CAPN7: variants seen among roughly 807,000 people sequenced by gnomAD.
CAPN7 encodes the protein calpain 7, also known as calpain-7.
In CAPN7, 72 loss-of-function variants were observed where a neutral mutation model predicts 115.2. The ratio of observed to expected loss-of-function variants is 0.63; its 90% CI spans 0.52 to 0.76. The LOEUF (loss-of-function observed/expected upper bound fraction) is 0.76. CAPN7 is among the 30% of genes least tolerant of loss of function. The probability of loss-of-function intolerance (pLI) is 0.00; values close to 1 mark genes in which losing one functional copy is unlikely to be tolerated. For missense variants in CAPN7, 905 were observed against 971.5 expected (o/e 0.93, Z 0.91); for synonymous variants, 344 against 322.3 (o/e 1.07, Z -0.72).
chr3:15,218,904 A>G (rs557559226), intron 4 of CAPN7, among the ~76,000 whole-genome samples: 86 of 152,348 alleles, frequency 5.6e-4, no homozygotes, highest in Non-Finnish European at 1.0e-3. Flanking sequence ...TCAGCCATGT[A>G]CATACCTCAG....
chr3:15,236,022 T>A (rs1287479821), intron 12 of CAPN7, among the ~76,000 whole-genome samples: 1 of 151,934 alleles, frequency 6.6e-6, no homozygotes, highest in Non-Finnish European at 1.5e-5. Context: ...TAAAAAAAAA[T>A]TAGCTGGGCA....
In CAPN7 at chr3:15,240,516, G is replaced by A. The variant is rs773362495; in HGVS notation, c.1451G>A (p.Arg484His). Residue 484 changes from arginine to histidine, a missense_variant, in exon 13 of 21, where the codon CGT becomes CAT. Physicochemically the swap from Arg to His is conservative, Grantham distance 29 (BLOSUM62 0). Coordinates refer to ENST00000253693, the MANE Select transcript of CAPN7 (RefSeq NM_014296.3). Reference protein sequence around the residue: ...IQLKNPWSHLRWKGRYSENDV... With the variant: ...IQLKNPWSHLHWKGRYSENDV... ...TTGAAAAATCCTTGGAGTCATTTACGTTGGAAAGGAAGATACAGTGAAAAT... is the reference window on the plus strand; with the variant it reads ...TTGAAAAATCCTTGGAGTCATTTACATTGGAAAGGAAGATACAGTGAAAAT... 5 of 1,612,188 alleles carry A rather than the reference G, an allele frequency of 3.1e-6. No homozygotes were observed. The highest frequency in any genetic ancestry group is 4.2e-6 in the Non-Finnish European group (5 of 1,179,560).
At chr3:15,247,039 T>G (rs1417285156) in intron 18 of CAPN7, among the ~76,000 whole-genome samples, 2 of 152,180 alleles carry the variant, frequency 1.3e-5, no homozygotes, top group Non-Finnish European at 2.9e-5. Flanking sequence ...GGATGAACCT[T>G]AAAAGTAGCA....
chr3:15,248,187 TAAATA>T (rs1559413758), intron 19 of CAPN7, among the ~76,000 whole-genome samples: 3 of 151,362 alleles, frequency 2.0e-5, no homozygotes, highest in Non-Finnish European at 2.9e-5. Flanking sequence ...AAAAAATAAA[TAAATA>T]AATAAAAATA....
chr3:15,230,532 A>G lies in CAPN7; in HGVS notation c.1029A>G (p.Arg343=). 3.2e-6 allele frequency: 5 copies of G among 1,583,660 alleles called. No individual in the cohort carries two copies. The highest frequency in any genetic ancestry group is 4.3e-6 in the Non-Finnish European group (5 of 1,152,872). ...MVKLHLNGVP[R]KVIIDDQLPV... The stretch of plus-strand genomic sequence containing the variant: ...AACTTCACCTCAATGGTGTCCCAAG[A>G]AAGGTGAATAATGTCTCTCCCCACT... The change falls in exon 9 of 21, where the codon AGA becomes AGG. Residue 343 remains arginine (R), a synonymous_variant. Transcript: ENST00000253693.
chr3:15,214,743 C>T (rs1310044902), intron 2 of CAPN7, among the ~76,000 whole-genome samples: 1 of 152,110 alleles, frequency 6.6e-6, no homozygotes, highest in Non-Finnish European at 1.5e-5. Flanking sequence ...AATTAACCGT[C>T]GTAGTACAGA....
intron 13 of CAPN7, 22 bp downstream of exon 13, chr3:15,240,639 T>C (rs375681264): frequency 2.5e-6 from 4 of 1,574,608 alleles, no homozygotes; most frequent in Non-Finnish European, 3.4e-6. Flanking sequence ...TTTTTAATTT[T>C]AATACCATTT....
At chr3:15,227,718 A>T in intron 6 of CAPN7, 121 bp from the exon 7 acceptor site, 1 of 471,374 alleles carries the variant, frequency 2.1e-6, no homozygotes, top group African/African-American at 2.0e-5. Flanking sequence ...AGGTTATTTT[A>T]AGATAATACA....
intron 15 of CAPN7, 78 bp from the exon 16 acceptor site, chr3:15,242,100 T>C: frequency 3.3e-6 from 3 of 921,050 alleles, no homozygotes; most frequent in Non-Finnish European, 5.0e-6. Context: ...TAGAGCATTT[T>C]TTTGGAGAGA....
In CAPN7 at chr3:15,241,452, G is replaced by A. The variant is rs1695343386; in HGVS notation, c.1653-1G>A. 4 of 1,613,152 alleles carry A rather than the reference G, an allele frequency of 2.5e-6. No individual in the cohort carries two copies. The highest frequency in any genetic ancestry group is 1.1e-5 in the South Asian group (1 of 91,012). On this transcript the variant is annotated splice_acceptor_variant, in intron 14 of 20. Coordinates refer to ENST00000253693, the MANE Select transcript of CAPN7 (RefSeq NM_014296.3). LOFTEE classifies it high-confidence loss of function. Reference sequence around the variant, plus strand: ...CCTTCTTTGTTGACTTTATCTTTTAGTACTTGGGATGCTAAGCAAGGACCT... The same window carrying A: ...CCTTCTTTGTTGACTTTATCTTTTAATACTTGGGATGCTAAGCAAGGACCT...
At chr3:15,212,538 CG>C (rs2045017264) in intron 2 of CAPN7, among the ~76,000 whole-genome samples, 1 of 152,198 alleles carries the variant, frequency 6.6e-6, no homozygotes, top group Admixed American at 6.5e-5. Flanking sequence ...ATATCTGTCA[CG>C]TCTCTTCCTT....
intron 8 of CAPN7, among the ~76,000 whole-genome samples, chr3:15,229,673 T>A (rs1694568639): frequency 6.7e-6 from 1 of 149,552 alleles, no homozygotes; most frequent in South Asian, 2.1e-4. Context: ...CCTCCTGGGT[T>A]CAAGCGATTC....
Position 15,251,195 on chromosome 3 carries a change from CAAG to C in CAPN7, c.2381_2383del (p.Glu794del). On this transcript the variant is annotated inframe_deletion, in exon 21 of 21. Transcript: ENST00000253693. The stretch of plus-strand genomic sequence containing the variant: ...CATTCCTAGTACCTTTTTGCCTAAA[CAAG>C]AAGGACCTTTTTTCTTGGACTTTAA... The C allele has an allele frequency of 6.2e-7, 1 of 1,610,156 alleles. No individual in the cohort carries two copies. Among genetic ancestry groups the C allele is most frequent in the East Asian group, 2.2e-5 (1 of 44,812 alleles).
chr3:15,248,700 T>C (rs971322219), intron 19 of CAPN7, among the ~76,000 whole-genome samples: 2 of 152,100 alleles, frequency 1.3e-5, no homozygotes, highest in South Asian at 2.1e-4. Flanking sequence ...TTAAAAAATA[T>C]AGAGAATACA....
chr3:15,210,864 T>C lies in CAPN7; in HGVS notation c.103-1240T>C, dbSNP rs916507207. 8.5e-6 allele frequency: 11 copies of C among 1,289,392 alleles called. No individual in the cohort carries two copies. The African/African-American group carries it at 1.7e-4, about 20-fold the overall frequency. 79.9% of individuals were successfully genotyped at this position (1,289,392 alleles called of 1,614,324 possible). ...AAAAAGTGATGTTCAGTAGATGGCA[T>C]CTTTGGAAACAGGCATGATGACCCA... is the stretch of plus-strand genomic sequence containing the variant. On this transcript the variant is annotated intron_variant, in intron 1 of 20. Coordinates refer to ENST00000253693, the MANE Select transcript of CAPN7 (RefSeq NM_014296.3).
chr3:15,231,610 A>G (rs545180893), intron 9 of CAPN7, among the ~76,000 whole-genome samples: 1 of 151,912 alleles, frequency 6.6e-6, no homozygotes, highest in African/African-American at 2.4e-5. Flanking sequence ...GCTCACTGCA[A>G]CCTCCGCCTC....
chr3:15,247,590 G>C (rs571581783), intron 19 of CAPN7, 133 bp downstream of exon 19: 8 of 584,172 alleles, frequency 1.4e-5, no homozygotes, highest in African/African-American at 1.2e-4. Context: ...AGTGGAGTGA[G>C]GAAAGGACAA....
chr3:15,231,102 A>G (rs1054868377), intron 9 of CAPN7, among the ~76,000 whole-genome samples: 3 of 152,222 alleles, frequency 2.0e-5, no homozygotes, highest in African/African-American at 7.2e-5. Flanking sequence ...GCAGAATTTC[A>G]GGCTTCACCC....
rs1696050334 is a variant in CAPN7 at position 15,252,609 on chromosome 3, C to T, written c.*1349C>T. The stretch of plus-strand genomic sequence containing the variant: ...AACCTGTTGTGGTAAAGATCTTGTA[C>T]AGGATGCAAACTAAAAACCTAATCC... On this transcript the variant is annotated 3_prime_UTR_variant, in exon 21 of 21. Transcript: ENST00000253693. 6.6e-6 allele frequency: 1 copy of T among 152,102 alleles called. No homozygotes were observed. Among genetic ancestry groups the T allele is most frequent in the African/African-American group, 2.4e-5 (1 of 41,366 alleles). The allele number at this position is 152,102 out of a possible 1,614,324, so 9.4% of individuals were successfully genotyped here. A position where few individuals can be genotyped will look rare whatever the true frequency, so the allele number is the denominator to read the frequency against.
Sources: allele counts gnomAD v4.1 joint callset (sites outside exome capture counted in the v4.1 genomes callset), GRCh38; gene constraint gnomAD v4.1.1; transcripts MANE v1.5; gene names NCBI Gene and HGNC (gene_info 2026-07-23, HGNC 2026-07-21).